The following TMEM260 variants were observed in gnomAD, a reference collection of about 807,000 sequenced individuals.
TMEM260 encodes transmembrane protein 260.
TMEM260 carries 82 observed loss-of-function variants against 88.9 expected under a neutral mutation model. That is an observed-to-expected ratio of 0.92 (90% CI 0.77 to 1.11). The LOEUF (loss-of-function observed/expected upper bound fraction) is 1.11, where lower values mean the gene tolerates loss of function less well. TMEM260 is among the 50% of genes least tolerant of loss of function. The pLI is 0.00. For missense variants in TMEM260, 902 were observed against 853.4 expected, an observed-to-expected ratio of 1.06 and a Z score of -0.71; for synonymous variants, 314 against 309.3, an observed-to-expected ratio of 1.02 and a Z score of -0.16.
rs58876267 is a variant in TMEM260 at position 56,629,377 on chromosome 14, A to T, written c.1548-3618A>T. ...AATTTACCACTTCAAGCAGAATGTG[A>T]TAACCTTACTGTCATATAAGTCTTT... is the stretch of plus-strand genomic sequence containing the variant. On this transcript the variant is annotated intron_variant, in intron 12 of 15. Coordinates refer to ENST00000261556, the MANE Select transcript of TMEM260 (RefSeq NM_017799.4). Among the ~76,000 whole-genome samples the T allele has an allele frequency of 2.2e-4, 33 of 151,346 alleles. No individual in the cohort carries two copies. The East Asian group carries it at 6.1e-3, about 28-fold the overall frequency.
chr14:56,624,305 G>A (rs1888104929), intron 11 of TMEM260, among the ~76,000 whole-genome samples: 2 of 152,150 alleles, frequency 1.3e-5, no homozygotes, highest in Non-Finnish European at 2.9e-5. Context: ...CAGGTGTGGT[G>A]GCTCACGTCT....
In TMEM260 at chr14:56,647,292, A is replaced by C. The variant is rs754705025; in HGVS notation, c.1919A>C (p.His640Pro). The change falls in exon 16 of 16, where the codon CAC becomes CCC. Residue 640 changes from histidine (H) to proline (P), a missense_variant. His to Pro is a moderately conservative substitution (Grantham distance 77). Coordinates refer to ENST00000261556, the MANE Select transcript of TMEM260 (RefSeq NM_017799.4). Reference sequence around the variant, plus strand: ...CAAAAGGAGCACCCAGTGAATTGGCACAAGAACTATGCCATCGCCTGTGAG... The same window carrying C: ...CAAAAGGAGCACCCAGTGAATTGGCCCAAGAACTATGCCATCGCCTGTGAG... ...YLQKEHPVNW[H>P]KNYAIACERM... 14 of 1,614,198 alleles carry C rather than the reference A, an allele frequency of 8.7e-6. No individual in the cohort carries two copies. The highest frequency in any genetic ancestry group is 1.7e-5 in the Admixed American group (1 of 60,016).
rs1286168092 is a variant in TMEM260 at position 56,649,289 on chromosome 14, G to T, written c.*1792G>T. On this transcript the variant is annotated 3_prime_UTR_variant, in exon 16 of 16. Transcript: ENST00000261556. ...CTAATTGGCAAAGACTTTTAATCAT[G>T]GGCCAAGAACTTTCACTGACTTGAA... 1 of 152,522 alleles carries T rather than the reference G, an allele frequency of 6.6e-6. No homozygotes were observed. Among genetic ancestry groups the T allele is most frequent in the Non-Finnish European group, 1.5e-5 (1 of 68,034 alleles). The allele number at this position is 152,522 out of a possible 1,614,324, so 9.4% of individuals were successfully genotyped here.
chr14:56,613,311 G>C (rs1300593787), intron 7 of TMEM260: 1 of 151,734 alleles, frequency 6.6e-6, no homozygotes, highest in African/African-American at 2.4e-5. Context: ...TCACAGTTTC[G>C]GTGTAATTTA....
In TMEM260 at chr14:56,625,413, T is replaced by G. The variant is rs111343431; in HGVS notation, c.1430T>G (p.Met477Arg). The stretch of plus-strand genomic sequence containing the variant: ...ACTTACGAGTGGTATTTACCCAAGA[T>G]GGCAAAGCACTTGCCAGGTGTCAAC... Reference protein sequence around the residue: ...MMTYEWYLPKMAKHLPGVNFP... With the variant: ...MMTYEWYLPKRAKHLPGVNFP... Residue 477 changes from methionine to arginine, a missense_variant, in exon 12 of 16, where the codon ATG becomes AGG. By Grantham distance (91) the Met-to-Arg change is moderately conservative. Transcript: ENST00000261556. 1.2e-6 allele frequency: 2 copies of G among 1,614,018 alleles called. No individual in the cohort carries two copies. Among genetic ancestry groups the G allele is most frequent in the East Asian group, 4.5e-5 (2 of 44,862 alleles).
At chr14:56,641,742 C>G (rs1211770696) in intron 15 of TMEM260, among the ~76,000 whole-genome samples, 3 of 152,162 alleles carry the variant, frequency 2.0e-5, no homozygotes, top group Admixed American at 1.3e-4. Context: ...AGAGTCAAGA[C>G]CCATCAGTGT....
At chr14:56,612,495 A>G in intron 7 of TMEM260, 2 of 566,370 alleles carry the variant, frequency 3.5e-6, no homozygotes, top group East Asian at 2.9e-5. Context: ...ATAAAAATCC[A>G]TGGGTGCTCA....
intron 5 of TMEM260, 122 bp from the exon 6 acceptor site, chr14:56,608,984 T>C: frequency 3.0e-6 from 3 of 1,015,682 alleles, no homozygotes; most frequent in Non-Finnish European, 4.4e-6. Context: ...GGTGACTTAA[T>C]ATAAATTGGG....
rs1353662901 is a variant in TMEM260, at chr14:56,647,455, A to G, written c.2082A>G (p.Leu694=). Residue 694 remains leucine, a synonymous_variant, in exon 16 of 16, where the codon CTA becomes CTG. Coordinates refer to ENST00000261556, the MANE Select transcript of TMEM260 (RefSeq NM_017799.4). ...ATATTTTAGGTGCTCTAAAGCACCT[A>G]AGAAAAGAACTGCAAAGTCTGAGAA... ...QADILGALKH[L]RKELQSLRNR... 6.2e-7 allele frequency: 1 copy of G among 1,611,798 alleles called. No homozygotes were observed. Among genetic ancestry groups the G allele is most frequent in the Non-Finnish European group, 8.5e-7 (1 of 1,179,570 alleles).
At position 56,605,701 on chromosome 14, in the gene TMEM260, G is replaced by T; in HGVS notation, c.636+18G>T. 2 of 1,390,946 alleles carry T rather than the reference G, an allele frequency of 1.4e-6. No individual in the cohort carries two copies. Among genetic ancestry groups the T allele is most frequent in the South Asian group, 1.3e-5 (1 of 77,810 alleles). The allele number at this position is 1,390,946 out of a possible 1,614,324, so 86.2% of individuals were successfully genotyped here. A position where few individuals can be genotyped will look rare whatever the true frequency, so the allele number is the denominator to read the frequency against. Reference sequence around the variant, plus strand: ...AAAAGAAGGTACGTTTTTGAATTTTGTAAAAAAAAGTACAATATTTTACTT... The same window carrying T: ...AAAAGAAGGTACGTTTTTGAATTTTTTAAAAAAAAGTACAATATTTTACTT... On this transcript the variant is annotated intron_variant, in intron 5 of 15. Transcript: ENST00000261556.
At chr14:56,580,877 G>A (rs992308165) in intron 1 of TMEM260, among the ~76,000 whole-genome samples, 1 of 152,180 alleles carries the variant, frequency 6.6e-6, no homozygotes, top group African/African-American at 2.4e-5. Flanking sequence ...TGAACCTATG[G>A]ACTGAAGAAG....
chr14:56,579,731 G>A, upstream of TMEM260: 1 of 442,134 alleles, frequency 2.3e-6, no homozygotes, highest in Non-Finnish European at 3.7e-6. Flanking sequence ...CTGGCTCAAG[G>A]GAGGCCTGGC....
intron 3 of TMEM260, among the ~76,000 whole-genome samples, chr14:56,592,733 A>G (rs1309931180): frequency 6.6e-6 from 1 of 152,204 alleles, no homozygotes; most frequent in East Asian, 1.9e-4. Context: ...AGTAGTCACT[A>G]TGAATTGACA....
intron 1 of TMEM260, among the ~76,000 whole-genome samples, chr14:56,584,183 A>G (rs1392883337): frequency 2.6e-5 from 4 of 152,144 alleles, no homozygotes; most frequent in Admixed American, 1.3e-4. Context: ...AATGCAGAGT[A>G]TTGCTATCTA....
downstream of TMEM260, among the ~76,000 whole-genome samples, chr14:56,649,873 T>G (rs200397746): frequency 1.5e-4 from 23 of 152,210 alleles, no homozygotes; most frequent in African/African-American, 5.3e-4. Flanking sequence ...ACCAATGATA[T>G]GATGGCCCGG....
In TMEM260 at chr14:56,593,677, CTTTT is replaced by C. The variant is rs34268894; in HGVS notation, c.344+7790_344+7793del. On this transcript the variant is annotated intron_variant, in intron 3 of 15. Transcript: ENST00000261556. ...ATTATTGGTATTGACAGGTGAGTGT[CTTTT>C]TTTTTTTTTTTTTTTTTTTTTTTTG... Among the ~76,000 whole-genome samples the C allele has an allele frequency of 4.9e-4, 31 of 63,500 alleles. No homozygotes were observed. In the South Asian group the frequency reaches 0.011, roughly 23 times the overall value. The allele number at this position is 63,500 out of a possible 152,430, so 41.7% of individuals were successfully genotyped here. A position where few individuals can be genotyped will look rare whatever the true frequency, so the allele number is the denominator to read the frequency against.
At chr14:56,650,702 A>G (rs1890189888), downstream of TMEM260, 1 of 152,144 alleles carries the variant, frequency 6.6e-6, no homozygotes, top group African/African-American at 2.4e-5. Context: ...GTTTATTTTT[A>G]TGATACTCTG....
intron 3 of TMEM260, among the ~76,000 whole-genome samples, chr14:56,595,210 T>C (rs566662207): frequency 1.1e-3 from 162 of 152,326 alleles, no homozygotes; most frequent in African/African-American, 3.8e-3. Flanking sequence ...TCAGATATAT[T>C]TGTAGTTATG....
At chr14:56,649,947 T>C (rs1030649260), downstream of TMEM260, 3 of 337,536 alleles carry the variant, frequency 8.9e-6, no homozygotes, top group Middle Eastern at 4.5e-4. Context: ...ACTAGTAAAC[T>C]GAGCTGAGAT....
Sources: allele counts gnomAD v4.1 joint callset (sites outside exome capture counted in the v4.1 genomes callset), GRCh38; gene constraint gnomAD v4.1.1; transcripts MANE v1.5; gene names NCBI Gene and HGNC (gene_info 2026-07-23, HGNC 2026-07-21).